GSN: variants seen among roughly 807,000 people sequenced by gnomAD.
GSN encodes gelsolin.
GSN carries 56 observed loss-of-function variants against 85.7 expected under a neutral mutation model. That is an observed-to-expected ratio of 0.65 (90% CI 0.53 to 0.82). The LOEUF is 0.82. Among genes scored for constraint, GSN ranks in the 40% least tolerant of loss-of-function variants. The pLI, the probability that GSN is intolerant of heterozygous loss-of-function variation, is 0.00. For missense variants in GSN, 857 were observed against 979.8 expected (o/e 0.87, Z 1.67); for synonymous variants, 373 against 399.1 (o/e 0.93, Z 0.78).
chr9:121,254,738 T>G (rs1049083672), intron 6 of GSN, among the ~76,000 whole-genome samples: 7 of 152,162 alleles, frequency 4.6e-5, no homozygotes, highest in African/African-American at 1.7e-4. Flanking sequence ...CTAATGTTAT[T>G]ATTATTATTT....
At chr9:121,306,970 C>T (rs1180773452) in intron 4 of GSN, among the ~76,000 whole-genome samples, 3 of 152,146 alleles carry the variant, frequency 2.0e-5, no homozygotes, top group African/African-American at 7.2e-5. Context: ...CATTTGAGGT[C>T]AGGAGTTCAA....
At chr9:121,241,443 TC>T (rs926815419) in intron 5 of GSN, among the ~76,000 whole-genome samples, 2 of 152,110 alleles carry the variant, frequency 1.3e-5, no homozygotes, top group Non-Finnish European at 2.9e-5. Context: ...CCAAAAAACT[TC>T]CCCACAGGTT....
chr9:121,263,384 C>A (rs1313484182), upstream of GSN, among the ~76,000 whole-genome samples: 1 of 152,060 alleles, frequency 6.6e-6, no homozygotes, highest in East Asian at 1.9e-4. Context: ...GAATTTATTA[C>A]CTCTATTTAT....
rs1343467912 is a variant in GSN, at chr9:121,282,154, G to A, written c.-10+592G>A. On this transcript the variant is annotated intron_variant, in intron 2 of 17. Coordinates refer to ENST00000432226, the MANE Select transcript of GSN (RefSeq NM_198252.3). ...GTGGGGGGAGGAGTGCAGAGTCCTG[G>A]GCTGGAAGCCAGGAGACTGGCTCAC... The A allele has an allele frequency of 1.1e-5, 5 of 476,036 alleles. No individual in the cohort carries two copies. The East Asian group carries it at 2.3e-4, about 22-fold the overall frequency. 29.5% of individuals were successfully genotyped at this position (476,036 alleles called of 1,614,324 possible). A position where few individuals can be genotyped will look rare whatever the true frequency, so the allele number is the denominator to read the frequency against.
chr9:121,331,296 T>C (rs2063857030), intron 16 of GSN, 92 bp from the exon 17 acceptor site: 2 of 776,486 alleles, frequency 2.6e-6, no homozygotes, highest in South Asian at 2.9e-5. Flanking sequence ...GGGCTTTGTC[T>C]GGTCTGATAC....
intron 4 of GSN, 44 bp from the exon 5 acceptor site, chr9:121,310,640 T>G (rs2060998754): frequency 6.3e-7 from 1 of 1,599,490 alleles, no homozygotes; most frequent in Non-Finnish European, 8.6e-7. Context: ...TCTGCTTCCC[T>G]GGGCCTTCTC....
In GSN at chr9:121,332,721, G is replaced by GTTT; in HGVS notation, c.*119_*121dup. The GTTT allele has an allele frequency of 3.0e-6, 2 of 664,034 alleles. No homozygotes were observed. Among genetic ancestry groups the GTTT allele is most frequent in the South Asian group, 2.2e-5 (1 of 45,966 alleles). 41.1% of individuals were successfully genotyped at this position (664,034 alleles called of 1,614,324 possible). ...ATGAGTGTGTGTGTGTGTGTGTGTTGTTTCTTTTTTTTTTTTTTACAGTAT... is the reference window on the plus strand; with the variant it reads ...ATGAGTGTGTGTGTGTGTGTGTGTTGTTTTTTCTTTTTTTTTTTTTTACAGTAT... On this transcript the variant is annotated 3_prime_UTR_variant, in exon 18 of 18. Coordinates refer to ENST00000432226, the MANE Select transcript of GSN (RefSeq NM_198252.3). This position sits in a 1 kb window ranked among gnomAD's most constrained non-coding sequence, Gnocchi z 4.8.
At position 121,305,853 on chromosome 9, in the gene GSN, G is replaced by A. The variant is rs553347759; in HGVS notation, c.351+2788G>A. Reference sequence around the variant, plus strand: ...TCCAGCCCAAGGTTCTCGCCCCGGCGCCCTCATCAATTATAGATCCCGGAG... The same window carrying A: ...TCCAGCCCAAGGTTCTCGCCCCGGCACCCTCATCAATTATAGATCCCGGAG... On this transcript the variant is annotated intron_variant, in intron 4 of 17. Coordinates refer to ENST00000432226, the MANE Select transcript of GSN (RefSeq NM_198252.3). Among the ~76,000 whole-genome samples, 35 of 152,318 alleles carry A rather than the reference G, an allele frequency of 2.3e-4. 1 individual carries two copies. The highest frequency in any genetic ancestry group is 2.1e-3 in the Admixed American group (32 of 15,306).
chr9:121,276,968 G>A (rs2056759448), intron 1 of GSN, among the ~76,000 whole-genome samples: 2 of 152,252 alleles, frequency 1.3e-5, no homozygotes, highest in South Asian at 2.1e-4. Context: ...AAGAAACCTG[G>A]TGGTGGTCAT....
At chr9:121,321,743 A>G (rs2062484835) in intron 11 of GSN, among the ~76,000 whole-genome samples, 1 of 151,816 alleles carries the variant, frequency 6.6e-6, no homozygotes, top group African/African-American at 2.4e-5. Flanking sequence ...TTATTTATTT[A>G]TTTATTTATT....
chr9:121,213,183 T>G (rs921292750), intron 4 of GSN, among the ~76,000 whole-genome samples: 3 of 152,166 alleles, frequency 2.0e-5, no homozygotes, highest in African/African-American at 7.2e-5. Flanking sequence ...AAACAAAATA[T>G]AATTAGTCTC....
At chr9:121,253,051 C>T (rs971019324) in intron 6 of GSN, among the ~76,000 whole-genome samples, 1 of 152,214 alleles carries the variant, frequency 6.6e-6, no homozygotes, top group East Asian at 1.9e-4. Context: ...TTGCAGACTA[C>T]CAGCTTCCAT....
upstream of GSN, among the ~76,000 whole-genome samples, chr9:121,205,770 C>G (rs2053872225): frequency 6.6e-6 from 1 of 152,040 alleles, no homozygotes; most frequent in Admixed American, 6.6e-5. Context: ...TTCATTTCTG[C>G]TTGTATTTTT....
At chr9:121,247,530 A>G (rs938787607) in intron 5 of GSN, among the ~76,000 whole-genome samples, 1 of 152,210 alleles carries the variant, frequency 6.6e-6, no homozygotes, top group Admixed American at 6.5e-5. Context: ...TTCCATTGCA[A>G]CGTCAGTCTG....
chr9:121,214,774 T>C (rs2054029506), intron 4 of GSN, among the ~76,000 whole-genome samples: 1 of 152,216 alleles, frequency 6.6e-6, no homozygotes, highest in South Asian at 2.1e-4. Flanking sequence ...TTTTCTCTTC[T>C]GGACCTCTGT....
intron 3 of GSN, 118 bp downstream of exon 3, chr9:121,302,285 T>G: frequency 2.2e-5 from 24 of 1,109,094 alleles, no homozygotes; most frequent in Non-Finnish European, 3.1e-5. Context: ...GCTGGGCCCT[T>G]GACTGGTGGT....
chr9:121,239,542 C>A, intron 5 of GSN: 1 of 291,354 alleles, frequency 3.4e-6, no homozygotes, highest in South Asian at 3.5e-5. Context: ...TGTGTAGTAA[C>A]CCAGCAGCAG....
chr9:121,268,412 T>G (rs2055383159), intron 1 of GSN, among the ~76,000 whole-genome samples, 193 bp downstream of exon 1: 1 of 151,396 alleles, frequency 6.6e-6, no homozygotes, highest in South Asian at 2.1e-4. Flanking sequence ...TGGATGGGAG[T>G]TGGGGGATGG....
intron 14 of GSN, 139 bp from the exon 15 acceptor site, chr9:121,328,752 A>C: frequency 1.1e-6 from 1 of 922,754 alleles, no homozygotes; most frequent in Admixed American, 1.8e-5. Flanking sequence ...TTCCCTCTGG[A>C]TCTCCTGGGA....
Sources: allele counts gnomAD v4.1 joint callset (sites outside exome capture counted in the v4.1 genomes callset), GRCh38; gene constraint gnomAD v4.1.1; non-coding constraint Gnocchi (gnomAD v3.1); transcripts MANE v1.5; gene names NCBI Gene and HGNC (gene_info 2026-07-23, HGNC 2026-07-21).